The following PRAME variants were observed in gnomAD, a reference collection of about 807,000 sequenced individuals.
PRAME encodes the protein PRAME nuclear receptor transcriptional regulator.
In PRAME, 21 loss-of-function variants were observed where a neutral mutation model predicts 32.1. The ratio of observed to expected loss-of-function variants is 0.65; its 90% CI spans 0.46 to 0.94. The LOEUF (loss-of-function observed/expected upper bound fraction) is 0.94. Ranked by LOEUF, PRAME falls within the 40% of genes least tolerant of loss-of-function variation. The pLI is 0.00. For missense variants in PRAME, 651 were observed against 622.3 expected (o/e 1.05, Z -0.49); for synonymous variants, 274 against 251.5 (o/e 1.09, Z -0.85).
At chr22:22,551,220 GT>G in intron 3 of PRAME, 131 bp from the exon 4 acceptor site, 1 of 789,140 alleles carries the variant, frequency 1.3e-6, no homozygotes, top group Non-Finnish European at 2.0e-6. Flanking sequence ...GGAGTTCTCA[GT>G]TTACCCCGAT....
At chr22:22,558,685 AGGCGGGGGGCTGACTGG>A (rs2063147004) in intron 1 of PRAME, among the ~76,000 whole-genome samples, 1 of 40,204 alleles carries the variant, frequency 2.5e-5, no homozygotes, top group Non-Finnish European at 5.3e-5. Flanking sequence ...GGCAGTGGGG[AGGCGGGGGGCTGACTGG>A]GAGTGTGGGA....
chr22:22,554,169 C>T (rs950731518), intron 3 of PRAME: 18 of 984,938 alleles, frequency 1.8e-5, no homozygotes, highest in Non-Finnish European at 2.0e-5. Context: ...GCCTGATCAC[C>T]CACTGGTGCT....
chr22:22,548,359 A>C lies in PRAME; in HGVS notation c.1238T>G (p.Phe413Cys). The part of the protein sequence containing the change: ...SHCSQLTTLS[F>C]YGNSISISAL... ...AGATATGGAGATGGAATTCCCGTAG[A>C]AGCTTAAGGTCGTAAGCTGGGAGCA... The change falls in exon 6 of 6, where the codon TTC (phenylalanine) becomes TGC (cysteine). Residue 413 changes from phenylalanine to cysteine, a missense_variant. Phe to Cys is a radical substitution (Grantham distance 205). Transcript: ENST00000405655. The C allele has an allele frequency of 1.2e-6, 2 of 1,613,590 alleles. No homozygotes were observed. The highest frequency in any genetic ancestry group is 1.7e-6 in the Non-Finnish European group (2 of 1,179,932).
At position 22,548,487 on chromosome 22, in the gene PRAME, T is replaced by C. The variant is rs991674796; in HGVS notation, c.1110A>G (p.Gln370=). 11 of 1,613,620 alleles carry C rather than the reference T, an allele frequency of 6.8e-6. No individual in the cohort carries two copies. The highest frequency in any genetic ancestry group is 1.3e-5 in the African/African-American group (1 of 74,814). Residue 370 remains glutamine, a synonymous_variant, in exon 6 of 6, where the codon CAA becomes CAG. Transcript: ENST00000405655. ...MLTDVSPEPL[Q]ALLERASATL... Reference sequence around the variant, plus strand: ...TGGCAGAGGCTCTCTCCAGCAGAGCTTGGAGGGGCTCGGGACTTACATCGG... The same window carrying C: ...TGGCAGAGGCTCTCTCCAGCAGAGCCTGGAGGGGCTCGGGACTTACATCGG...
chr22:22,556,523 G>A (rs2062931468), intron 3 of PRAME, among the ~76,000 whole-genome samples: 1 of 151,662 alleles, frequency 6.6e-6, no homozygotes, highest in East Asian at 2.0e-4. Context: ...TGTTAGCCAG[G>A]AATGGTCTCA....
intron 2 of PRAME, 197 bp from the exon 3 acceptor site, chr22:22,557,106 G>A (rs141081817): frequency 5.8e-4 from 311 of 540,708 alleles, no homozygotes; most frequent in African/African-American, 5.2e-3. Context: ...GGGGCAGGAG[G>A]AACAACAGAC....
Position 22,550,866 on chromosome 22 carries a change from G to A in PRAME, c.245C>T (p.Pro82Leu), listed in dbSNP as rs1197901120. ...TTGTCCCTTCATCAGCACTCCCAGA[G>A]GGAGGCAGGTGAAGGGCCAGGCCTG... ...MVQAWPFTCL[P>L]LGVLMKGQHL... The change falls in exon 4 of 6, where the codon CCT becomes CTT. Residue 82 changes from proline (P) to leucine (L), a missense_variant. Coordinates refer to ENST00000405655, the MANE Select transcript of PRAME (RefSeq NM_206956.3). 1.2e-6 allele frequency: 2 copies of A among 1,613,766 alleles called. No individual in the cohort carries two copies. The highest frequency in any genetic ancestry group is 2.2e-5 in the East Asian group (1 of 44,782).
intron 3 of PRAME, among the ~76,000 whole-genome samples, chr22:22,552,241 A>C (rs949680701): frequency 6.6e-6 from 1 of 151,644 alleles, no homozygotes; most frequent in Non-Finnish European, 1.5e-5. Flanking sequence ...ATATTTTTTA[A>C]CCTTGTAGTT....
At chr22:22,554,404 C>G (rs1172277721) in intron 3 of PRAME, among the ~76,000 whole-genome samples, 1 of 151,984 alleles carries the variant, frequency 6.6e-6, no homozygotes, top group African/African-American at 2.4e-5. Flanking sequence ...TTTTCACCCT[C>G]AACACCTAAT....
At chr22:22,553,094 C>T in intron 3 of PRAME, 1 of 368,138 alleles carries the variant, frequency 2.7e-6, no homozygotes, top group Non-Finnish European at 5.5e-6. Flanking sequence ...ACAAAACCAC[C>T]CAGAGAGTAT....
At chr22:22,548,702 G>A in intron 5 of PRAME, 59 bp from the exon 6 acceptor site, 1 of 1,425,636 alleles carries the variant, frequency 7.0e-7, no homozygotes, top group Non-Finnish European at 9.5e-7. Flanking sequence ...GGGGAGACTG[G>A]AGAGAGGCCC....
intron 3 of PRAME, among the ~76,000 whole-genome samples, chr22:22,551,708 T>C (rs1253282442): frequency 6.6e-6 from 1 of 151,886 alleles, no homozygotes; most frequent in African/African-American, 2.4e-5. Context: ...TACTTTGACA[T>C]GGAAATCAGC....
intron 3 of PRAME, among the ~76,000 whole-genome samples, chr22:22,551,477 G>A (rs1480936521): frequency 2.6e-5 from 4 of 151,908 alleles, no homozygotes; most frequent in African/African-American, 9.7e-5. Flanking sequence ...ACATAGCCCA[G>A]GACAGCATCC....
chr22:22,556,032 T>G, intron 3 of PRAME: 2 of 395,092 alleles, frequency 5.1e-6, no homozygotes, highest in Non-Finnish European at 1.1e-5. Context: ...TCACTCTTGT[T>G]GCCCAGGCTA....
At chr22:22,553,015 G>T (rs1266324448) in intron 3 of PRAME, 2 of 455,598 alleles carry the variant, frequency 4.4e-6, no homozygotes, top group Non-Finnish European at 9.1e-6. Flanking sequence ...TCCTGATGGG[G>T]TTTTTTACTT....
At chr22:22,553,876 A>ATTGG (rs1569225353) in intron 3 of PRAME, 1 of 985,054 alleles carries the variant, frequency 1.0e-6, no homozygotes, top group African/African-American at 1.7e-5. Flanking sequence ...GGCTGTTCAC[A>ATTGG]AGCAGCAGGT....
At position 22,558,973 on chromosome 22, in the gene PRAME, T is replaced by TCTGGAGCGCGCGTTCCTCC. The variant is rs2063170095; in HGVS notation, c.-135_-117dup. 6.4e-6 allele frequency: 1 copy of TCTGGAGCGCGCGTTCCTCC among 156,326 alleles called. No individual in the cohort carries two copies. The highest frequency in any genetic ancestry group is 6.6e-5 in the Admixed American group (1 of 15,226). 9.7% of individuals were successfully genotyped at this position (156,326 alleles called of 1,614,324 possible). On this transcript the variant is annotated 5_prime_UTR_variant, in exon 1 of 6. An upstream open reading frame in the 5' UTR loses its in-frame stop. Coordinates refer to ENST00000405655, the MANE Select transcript of PRAME (RefSeq NM_206956.3). ...CCCCCGGGATTCAATTAACTTACTC[T>TCTGGAGCGCGCGTTCCTCC]CTGGAGCGCGCGTTCCTCCCTGCTC...
Position 22,556,868 on chromosome 22 carries a change from C to T in PRAME, c.-36G>A, listed in dbSNP as rs1378756565. Reference sequence around the variant, plus strand: ...CTTAGGCTGGCCTCAGGACCTCCAACGCTTGGATTTCTAGGTCTCAGTCAC... The same window carrying T: ...CTTAGGCTGGCCTCAGGACCTCCAATGCTTGGATTTCTAGGTCTCAGTCAC... On this transcript the variant is annotated 5_prime_UTR_variant, in exon 3 of 6. Coordinates refer to ENST00000405655, the MANE Select transcript of PRAME (RefSeq NM_206956.3). 5.0e-6 allele frequency: 8 copies of T among 1,612,552 alleles called. No individual in the cohort carries two copies. The highest frequency in any genetic ancestry group is 4.4e-5 in the South Asian group (4 of 91,078).
At chr22:22,556,166 A>G (rs769003600) in intron 3 of PRAME, among the ~76,000 whole-genome samples, 1 of 150,320 alleles carries the variant, frequency 6.7e-6, no homozygotes, top group Non-Finnish European at 1.5e-5. Flanking sequence ...CGCCCAGCTA[A>G]TTTTTTTTCT....
Sources: allele counts gnomAD v4.1 joint callset (sites outside exome capture counted in the v4.1 genomes callset), GRCh38; gene constraint gnomAD v4.1.1; transcripts MANE v1.5; gene names NCBI Gene and HGNC (gene_info 2026-07-23, HGNC 2026-07-21).